ANKRD18A: variants seen among roughly 807,000 people sequenced by gnomAD.
ANKRD18A encodes ankyrin repeat domain 18A.
In ANKRD18A, 72 loss-of-function variants were observed where a neutral mutation model predicts 110.6. The observed-to-expected ratio is 0.65, with a 90% CI of 0.54 to 0.79. The LOEUF is 0.79. ANKRD18A is among the 30% of genes least tolerant of loss of function. The pLI is 0.00. For synonymous variants in ANKRD18A, 305 were observed against 410.3 expected (o/e 0.74, Z 3.10); for missense variants, 934 against 1,163.3 (o/e 0.80, Z 2.87).
At chr9:38,588,023 G>A (rs1359866239) in intron 11 of ANKRD18A, among the ~76,000 whole-genome samples, 3 of 152,142 alleles carry the variant, frequency 2.0e-5, no homozygotes, top group Admixed American at 6.6e-5. Flanking sequence ...AGGTGGCAGA[G>A]GTTGCAGTGA....
At position 38,593,870 on chromosome 9, in the gene ANKRD18A, G is replaced by A; in HGVS notation, c.1894C>T (p.Leu632Phe). 3 of 1,525,260 alleles carry A rather than the reference G, an allele frequency of 2.0e-6. No homozygotes were observed. The highest frequency in any genetic ancestry group is 2.6e-6 in the Non-Finnish European group (3 of 1,136,524). 94.5% of individuals were successfully genotyped at this position (1,525,260 alleles called of 1,614,324 possible). Residue 632 changes from leucine to phenylalanine, a missense_variant, in exon 10 of 16, where the codon CTT becomes TTT. Coordinates refer to ENST00000399703, the MANE Select transcript of ANKRD18A (RefSeq NM_147195.4). ...REFQEELVDHLKTFSISESPL... is the reference protein window; with the variant it reads ...REFQEELVDHFKTFSISESPL... The stretch of plus-strand genomic sequence containing the variant: ...GACTCTGATATTGAAAATGTTTTAA[G>A]GTGATCGACCAGTTCTTCTTGAAAT...
chr9:38,617,353 T>A (rs747555315), intron 1 of ANKRD18A, among the ~76,000 whole-genome samples: 4 of 152,172 alleles, frequency 2.6e-5, no homozygotes, highest in Non-Finnish European at 4.4e-5. Flanking sequence ...GGCAGGATAA[T>A]CACTTGAACC....
chr9:38,571,975 A>G lies in ANKRD18A; in HGVS notation c.*70T>C, dbSNP rs760979902. 1.5e-6 allele frequency: 2 copies of G among 1,318,238 alleles called. No homozygotes were observed. Among genetic ancestry groups the G allele is most frequent in the South Asian group, 1.4e-5 (1 of 73,684 alleles). The allele number at this position is 1,318,238 out of a possible 1,614,324, so 81.7% of individuals were successfully genotyped here. A position where few individuals can be genotyped will look rare whatever the true frequency, so the allele number is the denominator to read the frequency against. ...TCATACAACTTTTCCTTAAGATTTT[A>G]TGGTTAATCTCTTCATTAGATGTGG... is the stretch of plus-strand genomic sequence containing the variant. On this transcript the variant is annotated 3_prime_UTR_variant, in exon 16 of 16. Coordinates refer to ENST00000399703, the MANE Select transcript of ANKRD18A (RefSeq NM_147195.4).
In ANKRD18A at chr9:38,608,024, G is replaced by A. The variant is rs180932947; in HGVS notation, c.741-531C>T. 5.3e-3 allele frequency among the ~76,000 whole-genome samples: 813 copies of A among 152,226 alleles called. 3 individuals carry two copies. The highest frequency in any genetic ancestry group is 0.018 in the African/African-American group (764 of 41,512). On this transcript the variant is annotated intron_variant, in intron 5 of 15. Coordinates refer to ENST00000399703, the MANE Select transcript of ANKRD18A (RefSeq NM_147195.4). Reference sequence around the variant, plus strand: ...TGTTTTTCCATAGTTTCTAATATTCGAATGTCACAGTTTTCAGAGAATGTT... The same window carrying A: ...TGTTTTTCCATAGTTTCTAATATTCAAATGTCACAGTTTTCAGAGAATGTT...
chr9:38,580,172 G>A (rs1227448017), intron 12 of ANKRD18A, among the ~76,000 whole-genome samples: 4 of 152,180 alleles, frequency 2.6e-5, no homozygotes, highest in South Asian at 2.1e-4. Flanking sequence ...TTGAAAGACC[G>A]AGGCAGGAGA....
intron 4 of ANKRD18A, 44 bp from the exon 5 acceptor site, chr9:38,610,454 G>A: frequency 2.0e-6 from 3 of 1,512,102 alleles, no homozygotes; most frequent in Non-Finnish European, 1.8e-6. Context: ...CTTTGATGAA[G>A]ATATTTAATT....
intron 15 of ANKRD18A, 43 bp from the exon 16 acceptor site, chr9:38,572,102 T>C: frequency 6.9e-7 from 1 of 1,443,734 alleles, no homozygotes; most frequent in South Asian, 1.3e-5. Flanking sequence ...CCTAAAACAT[T>C]TCAGTTAACG....
chr9:38,618,014 CAT>C (rs1336094994), intron 1 of ANKRD18A, among the ~76,000 whole-genome samples: 1 of 151,942 alleles, frequency 6.6e-6, no homozygotes, highest in African/African-American at 2.4e-5. Context: ...ATAAGAAAAA[CAT>C]ATATACATAA....
At chr9:38,573,333 T>G (rs1341890635) in intron 15 of ANKRD18A, among the ~76,000 whole-genome samples, 1 of 152,206 alleles carries the variant, frequency 6.6e-6, no homozygotes, top group East Asian at 1.9e-4. Context: ...TGTATCTGTG[T>G]AATGCTATTT....
intron 4 of ANKRD18A, among the ~76,000 whole-genome samples, 199 bp downstream of exon 4, chr9:38,611,016 T>C (rs1298428975): frequency 1.3e-5 from 2 of 152,100 alleles, no homozygotes; most frequent in Non-Finnish European, 2.9e-5. Context: ...TAAGAGAAGA[T>C]GAATCCTACT....
At position 38,598,834 on chromosome 9, in the gene ANKRD18A, G is replaced by C. The variant is rs118107194; in HGVS notation, c.936+2297C>G. On this transcript the variant is annotated intron_variant, in intron 8 of 15. Coordinates refer to ENST00000399703, the MANE Select transcript of ANKRD18A (RefSeq NM_147195.4). ...TGTATTGGTTTTCGGCTTCATAAGT[G>C]TCTGCAATAGCAGAAATACTGTAGC... Among the ~76,000 whole-genome samples, 433 of 152,306 alleles carry C rather than the reference G, an allele frequency of 2.8e-3. 1 individual carries two copies. Among genetic ancestry groups the C allele is most frequent in the Non-Finnish European group, 5.4e-3 (369 of 68,028 alleles).
chr9:38,619,143 G>A (rs1261780019), intron 1 of ANKRD18A, among the ~76,000 whole-genome samples: 3 of 151,798 alleles, frequency 2.0e-5, no homozygotes, highest in Non-Finnish European at 4.4e-5. Flanking sequence ...TCATTCTTAC[G>A]AAGGCCTTTG....
Position 38,620,251 on chromosome 9 carries a change from C to T in ANKRD18A, c.35G>A (p.Gly12Asp). The T allele has an allele frequency of 1.3e-6, 2 of 1,551,346 alleles. No individual in the cohort carries two copies. Among genetic ancestry groups the T allele is most frequent in the Non-Finnish European group, 8.7e-7 (1 of 1,146,810 alleles). Residue 12 changes from glycine to aspartate, a missense_variant, in exon 1 of 16, where the codon GGC becomes GAC. Physicochemically the swap from Gly to Asp is moderately conservative, Grantham distance 94. Coordinates refer to ENST00000399703, the MANE Select transcript of ANKRD18A (RefSeq NM_147195.4). ...GTCCATGGAGCTCAGGAGCGCCTGGCCCAGGCGTCTCCCGAAGCTGAAGAG... is the reference window on the plus strand; with the variant it reads ...GTCCATGGAGCTCAGGAGCGCCTGGTCCAGGCGTCTCCCGAAGCTGAAGAG... ...RKLFSFGRRL[G>D]QALLSSMDQE...
At chr9:38,610,598 G>A (rs1825573399) in intron 4 of ANKRD18A, among the ~76,000 whole-genome samples, 188 bp from the exon 5 acceptor site, 1 of 152,108 alleles carries the variant, frequency 6.6e-6, no homozygotes, top group Non-Finnish European at 1.5e-5. Context: ...TACCACCAAG[G>A]CTAAAAGGCA....
intron 11 of ANKRD18A, among the ~76,000 whole-genome samples, 173 bp downstream of exon 11, chr9:38,588,378 T>C (rs1238911143): frequency 6.6e-6 from 1 of 152,170 alleles, no homozygotes; most frequent in African/African-American, 2.4e-5. Flanking sequence ...GGACTCCTGC[T>C]CACATGCCTA....
intron 1 of ANKRD18A, among the ~76,000 whole-genome samples, chr9:38,618,772 T>A (rs1037352612): frequency 2.6e-5 from 4 of 151,982 alleles, no homozygotes; most frequent in African/African-American, 7.2e-5. Flanking sequence ...CTGCAAAAAG[T>A]GCTTTGCTCA....
chr9:38,605,712 C>A (rs151050198), intron 6 of ANKRD18A, among the ~76,000 whole-genome samples: 2,764 of 152,192 alleles, frequency 0.018, 42 homozygotes, highest in Non-Finnish European at 0.028. Flanking sequence ...CTCCTGGGTT[C>A]AAGCAATTCT....
chr9:38,617,362 C>T (rs896549903), intron 1 of ANKRD18A, among the ~76,000 whole-genome samples: 1 of 152,116 alleles, frequency 6.6e-6, no homozygotes, highest in Non-Finnish European at 1.5e-5. Flanking sequence ...ATCACTTGAA[C>T]CTTGGCAGCA....
downstream of ANKRD18A, chr9:38,568,540 GCC>G (rs1489765964): frequency 5.2e-6 from 1 of 193,470 alleles, no homozygotes; most frequent in East Asian, 1.9e-4. Context: ...TCAAGTGGCA[GCC>G]CCTCAGGCTG....
Sources: allele counts gnomAD v4.1 joint callset (sites outside exome capture counted in the v4.1 genomes callset), GRCh38; gene constraint gnomAD v4.1.1; transcripts MANE v1.5; gene names NCBI Gene and HGNC (gene_info 2026-07-23, HGNC 2026-07-21).